ADGRG3: variants seen among roughly 807,000 people sequenced by gnomAD.
ADGRG3 encodes the protein adhesion G protein-coupled receptor G3.
In ADGRG3, 39 loss-of-function variants were observed where a neutral mutation model predicts 54.3. The observed-to-expected ratio is 0.72, with a 90% CI of 0.56 to 0.94. The LOEUF is 0.94. ADGRG3 is among the 40% of genes least tolerant of loss of function. ADGRG3 has a pLI of 0.00. For missense variants in ADGRG3, 654 were observed against 694.6 expected, an observed-to-expected ratio of 0.94 and a Z score of 0.66; for synonymous variants, 312 against 290.0, an observed-to-expected ratio of 1.08 and a Z score of -0.77.
At chr16:57,677,884 C>G (rs544121310) in intron 3 of ADGRG3, among the ~76,000 whole-genome samples, 89 of 152,342 alleles carry the variant, frequency 5.8e-4, no homozygotes, top group Middle Eastern at 3.4e-3. Flanking sequence ...CTCATACTTG[C>G]ACATTCAGCT....
Position 57,679,808 on chromosome 16 carries a change from G to A in ADGRG3, c.628-8G>A, listed in dbSNP as rs757500209. ...TCCTCTCTCCTGACTTCCACTCTTCGGTTTCAGAACATGACCCTCACCTGT... is the reference window on the plus strand; with the variant it reads ...TCCTCTCTCCTGACTTCCACTCTTCAGTTTCAGAACATGACCCTCACCTGT... On this transcript the variant is annotated splice_polypyrimidine_tract_variant and splice_region_variant and intron_variant, in intron 5 of 11. Coordinates refer to ENST00000333493, the MANE Select transcript of ADGRG3 (RefSeq NM_170776.5). 21 of 1,611,498 alleles carry A rather than the reference G, an allele frequency of 1.3e-5. 1 individual carries two copies. The South Asian group carries it at 1.5e-4, about 12-fold the overall frequency.
rs143323939 is a variant in ADGRG3, at chr16:57,682,668, G to A, written c.882-1264G>A. The A allele has an allele frequency of 2.3e-3, 2,217 of 982,230 alleles. 44 individuals carry two copies. In the African/African-American group the frequency reaches 0.036, roughly 16 times the overall value. The allele number at this position is 982,230 out of a possible 1,614,324, so 60.8% of individuals were successfully genotyped here. On this transcript the variant is annotated intron_variant, in intron 8 of 11. Transcript: ENST00000333493. ...CCAGATGCTCCTCCAGGAAGCCCCC[G>A]GCTCCCCTCCCTCGGCTGAGAGCCC...
At chr16:57,683,288 G>A (rs1435044260) in intron 8 of ADGRG3, among the ~76,000 whole-genome samples, 5 of 152,176 alleles carry the variant, frequency 3.3e-5, no homozygotes, top group African/African-American at 1.2e-4. Flanking sequence ...GTGTTGCTCA[G>A]TTACTTTGGG....
intron 2 of ADGRG3, among the ~76,000 whole-genome samples, chr16:57,674,143 C>T (rs537861075): frequency 1.3e-4 from 20 of 151,932 alleles, no homozygotes; most frequent in Middle Eastern, 3.4e-3. Context: ...GCTTCAGGGA[C>T]CGGTGATGCA....
At chr16:57,686,916 G>A (rs1350630339) in intron 11 of ADGRG3, 1 of 152,242 alleles carries the variant, frequency 6.6e-6, no homozygotes, top group Non-Finnish European at 1.5e-5. Flanking sequence ...AGCAGTCCAT[G>A]TGCTATGGTT....
chr16:57,683,572 C>T (rs1411354694), intron 8 of ADGRG3, among the ~76,000 whole-genome samples: 1 of 152,288 alleles, frequency 6.6e-6, no homozygotes, highest in East Asian at 1.9e-4. Flanking sequence ...TCCCATTCAC[C>T]GTGCTTCTAT....
intron 2 of ADGRG3, among the ~76,000 whole-genome samples, chr16:57,675,885 C>T (rs1466033681): frequency 2.6e-5 from 4 of 152,102 alleles, no homozygotes; most frequent in African/African-American, 7.2e-5. Flanking sequence ...GGTAGTGTGA[C>T]GGTTGCACAA....
At chr16:57,686,926 T>G (rs1302561614) in intron 11 of ADGRG3, 1 of 152,248 alleles carries the variant, frequency 6.6e-6, no homozygotes, top group Non-Finnish European at 1.5e-5. Flanking sequence ...GTGCTATGGT[T>G]TATATGTGTT....
At chr16:57,674,276 C>T (rs191935463) in intron 2 of ADGRG3, among the ~76,000 whole-genome samples, 68 of 151,980 alleles carry the variant, frequency 4.5e-4, no homozygotes, top group Non-Finnish European at 6.9e-4. Context: ...GGAGATGATA[C>T]GATGTAGACT....
Position 57,671,414 on chromosome 16 carries a change from C to G in ADGRG3, c.59-1907C>G, listed in dbSNP as rs148835883. 7.5e-3 allele frequency among the ~76,000 whole-genome samples: 1,057 copies of G among 140,594 alleles called. 10 individuals are homozygous for G. Among genetic ancestry groups the G allele is most frequent in the African/African-American group, 0.026 (975 of 38,090 alleles). 92.2% of individuals were successfully genotyped at this position (140,594 alleles called of 152,430 possible). A position where few individuals can be genotyped will look rare whatever the true frequency, so the allele number is the denominator to read the frequency against. ...GGAGTGCAGTGGTGTGATCTTGGCT[C>G]ACTGCAACCTCCGCCTCCCGGGTTG... On this transcript the variant is annotated intron_variant, in intron 1 of 11. Coordinates refer to ENST00000333493, the MANE Select transcript of ADGRG3 (RefSeq NM_170776.5).
At chr16:57,678,811 C>T (rs1269387841) in intron 4 of ADGRG3, 1 of 338,246 alleles carries the variant, frequency 3.0e-6, no homozygotes, top group Non-Finnish European at 5.6e-6. Flanking sequence ...CTCCTTTCTA[C>T]CGAATGCACA....
At chr16:57,675,012 A>AAAAAAGCAGCAGC (rs35561154) in intron 2 of ADGRG3, among the ~76,000 whole-genome samples, 1 of 115,342 alleles carries the variant, frequency 8.7e-6, no homozygotes, top group East Asian at 2.5e-4. Context: ...AAAAAAAAAA[A>AAAAAAGCAGCAGC]AGCAGCAGCA....
chr16:57,675,316 A>G (rs1165261600), intron 2 of ADGRG3, among the ~76,000 whole-genome samples: 5 of 151,974 alleles, frequency 3.3e-5, no homozygotes, highest in African/African-American at 1.2e-4. Context: ...CCGACTCTAC[A>G]AAAAATAATT....
rs2048520017 is a variant in ADGRG3, at chr16:57,688,684, A to G, written c.*223A>G. ...AGGTTTGCAAGGCTCTAAAGTTCCT[A>G]TAGTCCTGAGACCCCCTGCCAGCAA... On this transcript the variant is annotated 3_prime_UTR_variant, in exon 12 of 12. Transcript: ENST00000333493. The G allele has an allele frequency of 5.7e-6, 3 of 529,066 alleles. No homozygotes were observed. The highest frequency in any genetic ancestry group is 3.1e-5 in the East Asian group (1 of 32,318). The allele number at this position is 529,066 out of a possible 1,614,324, so 32.8% of individuals were successfully genotyped here.
intron 2 of ADGRG3, among the ~76,000 whole-genome samples, chr16:57,674,895 C>T (rs1450064926): frequency 2.7e-5 from 4 of 146,462 alleles, no homozygotes; most frequent in Non-Finnish European, 5.9e-5. Context: ...ACTCGGGAGG[C>T]TGAGGTGGGA....
chr16:57,676,510 A>C (rs1306643022), intron 3 of ADGRG3, among the ~76,000 whole-genome samples, 172 bp downstream of exon 3: 1 of 152,234 alleles, frequency 6.6e-6, no homozygotes, highest in Non-Finnish European at 1.5e-5. Flanking sequence ...CTCCAAGCCT[A>C]AAATTTCCGT....
At chr16:57,670,395 G>A (rs1449827648) in intron 1 of ADGRG3, among the ~76,000 whole-genome samples, 6 of 152,172 alleles carry the variant, frequency 3.9e-5, no homozygotes, top group Admixed American at 3.9e-4. Flanking sequence ...CAATCCGGGA[G>A]GGAGGCCTGC....
chr16:57,672,921 A>G (rs1454227199), intron 1 of ADGRG3, among the ~76,000 whole-genome samples: 1 of 152,202 alleles, frequency 6.6e-6, no homozygotes, highest in Non-Finnish European at 1.5e-5. Flanking sequence ...ACCAAGACAG[A>G]ATACATCCAA....
chr16:57,675,282 CA>C (rs1450008100), intron 2 of ADGRG3, among the ~76,000 whole-genome samples: 7 of 151,990 alleles, frequency 4.6e-5, no homozygotes, highest in African/African-American at 7.3e-5. Context: ...AGCTCAAGAC[CA>C]GCCTGGGCAA....
Sources: allele counts gnomAD v4.1 joint callset (sites outside exome capture counted in the v4.1 genomes callset), GRCh38; gene constraint gnomAD v4.1.1; transcripts MANE v1.5; gene names NCBI Gene and HGNC (gene_info 2026-07-23, HGNC 2026-07-21).